Variants in SLC26A4 observed in about 807,000 individuals in gnomAD.
The protein encoded by SLC26A4 is pendrin.
Under a neutral mutation model 90.4 loss-of-function variants are expected in SLC26A4, and 93 were observed. The ratio of observed to expected loss-of-function variants is 1.03; its 90% CI spans 0.87 to 1.22. The LOEUF is 1.22. Among genes scored for constraint, SLC26A4 ranks in the 50% most tolerant of loss-of-function variants. The pLI is 0.00. For synonymous variants in SLC26A4, 393 were observed against 354.6 expected, an observed-to-expected ratio of 1.11 and a Z score of -1.22; for missense variants, 1,127 against 946.2, an observed-to-expected ratio of 1.19 and a Z score of -2.51.
intron 5 of SLC26A4, 140 bp from the exon 6 acceptor site, chr7:107,674,805 T>A: frequency 1.3e-6 from 1 of 765,950 alleles, no homozygotes; most frequent in East Asian, 2.6e-5. Flanking sequence ...AAGAAATTCA[T>A]ATTTTTTTCT....
At chr7:107,695,457 A>G (rs1407726795) in intron 12 of SLC26A4, among the ~76,000 whole-genome samples, 3 of 152,204 alleles carry the variant, frequency 2.0e-5, no homozygotes, top group African/African-American at 7.2e-5. Flanking sequence ...CTTAATTGAG[A>G]AGCCCAGTTT....
At chr7:107,668,553 T>C (rs1297443500) in intron 3 of SLC26A4, among the ~76,000 whole-genome samples, 2 of 152,204 alleles carry the variant, frequency 1.3e-5, no homozygotes, top group African/African-American at 2.4e-5. Context: ...CTCAGGTTAC[T>C]GGGAAGCCAG....
intron 10 of SLC26A4, chr7:107,691,888 C>A: frequency 7.9e-7 from 1 of 1,266,456 alleles, no homozygotes; most frequent in Non-Finnish European, 1.0e-6. Context: ...GAGCCAATTT[C>A]CAAAGCTGTG....
chr7:107,700,355 TA>T (rs1024526599), intron 15 of SLC26A4, among the ~76,000 whole-genome samples, 180 bp downstream of exon 15: 17 of 152,252 alleles, frequency 1.1e-4, no homozygotes, highest in African/African-American at 3.4e-4. Flanking sequence ...ATTTGGGGAT[TA>T]AAAAAACACA....
At chr7:107,666,534 C>T (rs1294143346) in intron 3 of SLC26A4, among the ~76,000 whole-genome samples, 4 of 151,892 alleles carry the variant, frequency 2.6e-5, no homozygotes, top group Non-Finnish European at 4.4e-5. Flanking sequence ...GAAGGGAGGT[C>T]TATTTTAGAT....
intron 8 of SLC26A4, among the ~76,000 whole-genome samples, chr7:107,687,128 C>T (rs1012504021): frequency 4.6e-5 from 7 of 152,176 alleles, no homozygotes; most frequent in East Asian, 1.9e-4. Flanking sequence ...TCACTTCTCC[C>T]GGTCTTCATC....
chr7:107,683,980 G>A (rs966732352), intron 8 of SLC26A4, among the ~76,000 whole-genome samples: 4 of 152,174 alleles, frequency 2.6e-5, no homozygotes, highest in African/African-American at 4.8e-5. Context: ...TAAGTAAAAT[G>A]CATTATCTTC....
At chr7:107,680,274 TATA>T (rs1160312863) in intron 6 of SLC26A4, among the ~76,000 whole-genome samples, 1 of 109,808 alleles carries the variant, frequency 9.1e-6, no homozygotes, top group Non-Finnish European at 1.7e-5. Context: ...TATCTTATTA[TATA>T]ATATAATCTT....
At chr7:107,694,850 T>C (rs1791693556) in intron 12 of SLC26A4, 134 bp downstream of exon 12, 3 of 715,202 alleles carry the variant, frequency 4.2e-6, no homozygotes, top group Admixed American at 2.0e-5. Context: ...ATTAGAATTG[T>C]GGGGATAAAT....
intron 6 of SLC26A4, among the ~76,000 whole-genome samples, chr7:107,682,851 A>G (rs1329895547): frequency 6.6e-6 from 1 of 152,218 alleles, no homozygotes; most frequent in Non-Finnish European, 1.5e-5. Context: ...AGTAAAAGTT[A>G]GTATGTTTAT....
At position 107,663,374 on chromosome 7, in the gene SLC26A4, G is replaced by A; in HGVS notation, c.243G>A (p.Lys81=). ...ILEWLPKYRV[K]EWLLSDVISG... is the part of the protein sequence containing the mutation. ...AGTGGCTCCCCAAATACCGAGTCAA[G>A]GAATGGCTGCTTAGTGACGTCATTT... The change falls in exon 3 of 21, where the codon AAG becomes AAA. Residue 81 remains lysine, a synonymous_variant. Coordinates refer to ENST00000644269, the MANE Select transcript of SLC26A4 (RefSeq NM_000441.2). The A allele has an allele frequency of 6.2e-7, 1 of 1,614,136 alleles. No homozygotes were observed. Among genetic ancestry groups the A allele is most frequent in the Non-Finnish European group, 8.5e-7 (1 of 1,180,006 alleles).
rs762764092 is a variant in SLC26A4, at chr7:107,694,684, C to T, written c.1405C>T (p.Pro469Ser). 1 of 1,613,296 alleles carries T rather than the reference C, an allele frequency of 6.2e-7. No individual in the cohort carries two copies. Among genetic ancestry groups the T allele is most frequent in the South Asian group, 1.1e-5 (1 of 91,074 alleles). ...GATGTTTATGCAGCTGTGTGACATT[C>T]CTCGTCTGTGGAGACAGAATAAGAT... is the stretch of plus-strand genomic sequence containing the variant. ...KGMFMQLCDIPRLWRQNKIDA... is the reference protein window; with the variant it reads ...KGMFMQLCDISRLWRQNKIDA... The change falls in exon 12 of 21, where the codon CCT (proline) becomes TCT (serine). Residue 469 changes from proline (P) to serine (S), a missense_variant. Physicochemically the swap from Pro to Ser is moderately conservative, Grantham distance 74. Transcript: ENST00000644269.
At chr7:107,686,288 TTTCCTA>T (rs1791400044) in intron 8 of SLC26A4, among the ~76,000 whole-genome samples, 1 of 104,832 alleles carries the variant, frequency 9.5e-6, no homozygotes, top group African/African-American at 3.6e-5. Flanking sequence ...CTTCCCTCCC[TTTCCTA>T]CCTTCCCTCC....
At chr7:107,699,669 C>T (rs927111149) in intron 14 of SLC26A4, among the ~76,000 whole-genome samples, 1 of 152,108 alleles carries the variant, frequency 6.6e-6, no homozygotes, top group African/African-American at 2.4e-5. Flanking sequence ...TGGTTCACAC[C>T]TGTAATCCCA....
intron 6 of SLC26A4, among the ~76,000 whole-genome samples, chr7:107,676,589 T>A (rs567914274): frequency 6.6e-6 from 1 of 152,294 alleles, no homozygotes; most frequent in Non-Finnish European, 1.5e-5. Flanking sequence ...AATAGTAACA[T>A]GATGTCATCC....
intron 8 of SLC26A4, among the ~76,000 whole-genome samples, chr7:107,686,268 CCTTCCCTCCCTTCCCTCCCTTTCCTA>C: frequency 7.4e-6 from 1 of 134,992 alleles, no homozygotes; most frequent in African/African-American, 2.9e-5. Context: ...TTCTTCCCTT[CCTTCCCTCCCTTCCCTCCCTTTCCTA>C]CCTTCCCTCC....
chr7:107,709,902 G>A (rs534122052), intron 18 of SLC26A4, 152 bp from the exon 19 acceptor site: 220 of 647,996 alleles, frequency 3.4e-4, no homozygotes, highest in Admixed American at 1.1e-3. Flanking sequence ...AGGGTGAGGT[G>A]GGGGGATCAC....
chr7:107,688,268 T>C (rs1791473044), intron 8 of SLC26A4, among the ~76,000 whole-genome samples: 1 of 152,220 alleles, frequency 6.6e-6, no homozygotes, highest in Non-Finnish European at 1.5e-5. Flanking sequence ...GTTTCCTTAT[T>C]AAAGAAACTT....
chr7:107,680,059 A>AATC (rs1469437895), intron 6 of SLC26A4, among the ~76,000 whole-genome samples: 2 of 128,424 alleles, frequency 1.6e-5, no homozygotes, highest in Non-Finnish European at 3.1e-5. Context: ...TATATAATAT[A>AATC]ATCTTATTAT....
Sources: gnomAD v4.1 joint callset for allele counts (sites outside exome capture counted in the v4.1 genomes callset) on GRCh38, gnomAD v4.1.1 for gene constraint, MANE v1.5 for transcripts, NCBI Gene and HGNC (gene_info 2026-07-23, HGNC 2026-07-21) for gene names.